Variants in FUT8 observed in about 807,000 individuals in gnomAD.
FUT8 encodes fucosyltransferase 8, also known as alpha-(1,6)-fucosyltransferase.
Under a neutral mutation model 71.3 loss-of-function variants are expected in FUT8, and 29 were observed. The observed-to-expected ratio is 0.41, with a 90% confidence interval of 0.30 to 0.55. FUT8 has a LOEUF of 0.55. Among genes scored for constraint, FUT8 ranks in the 20% least tolerant of loss-of-function variants. The pLI, the probability that FUT8 is intolerant of heterozygous loss-of-function variation, is 0.34. For synonymous variants in FUT8, 254 were observed against 239.3 expected, an observed-to-expected ratio of 1.06 and a Z score of -0.57; for missense variants, 544 against 702.1, an observed-to-expected ratio of 0.77 and a Z score of 2.55.
intron 3 of FUT8, among the ~76,000 whole-genome samples, chr14:65,583,734 G>A (rs1277127983): frequency 6.6e-6 from 1 of 151,744 alleles, no homozygotes; most frequent in Non-Finnish European, 1.5e-5. Flanking sequence ...TAATTAGAAA[G>A]TGCATAGAAG....
intron 1 of FUT8, among the ~76,000 whole-genome samples, chr14:65,445,679 C>G (rs2065728780): frequency 6.6e-6 from 1 of 152,206 alleles, no homozygotes; most frequent in African/African-American, 2.4e-5. Flanking sequence ...GGCATTTGGT[C>G]TAACTACTGG....
rs548071158 is a variant in FUT8 at position 65,742,785 on chromosome 14, G to T, written c.*375G>T. The T allele has an allele frequency of 2.7e-4, 50 of 188,332 alleles. No homozygotes were observed. Among genetic ancestry groups the T allele is most frequent in the Non-Finnish European group, 5.1e-4 (45 of 88,566 alleles). The allele number at this position is 188,332 out of a possible 1,614,324, so 11.7% of individuals were successfully genotyped here. ...CATGGTGCCTATATCTGAGAGACCT[G>T]TGTGAACTATTGAGAAGATCGGAAC... is the stretch of plus-strand genomic sequence containing the variant. On this transcript the variant is annotated 3_prime_UTR_variant, in exon 11 of 11. Coordinates refer to ENST00000673929, the MANE Select transcript of FUT8 (RefSeq NM_001371533.1).
chr14:65,515,680 T>C (rs1334517403), intron 2 of FUT8, among the ~76,000 whole-genome samples: 2 of 152,196 alleles, frequency 1.3e-5, no homozygotes, highest in African/African-American at 2.4e-5. Context: ...TTGTTGAGTT[T>C]AACTGTGTGT....
At chr14:65,509,720 A>G (rs576411685) in intron 2 of FUT8, among the ~76,000 whole-genome samples, 9 of 151,942 alleles carry the variant, frequency 5.9e-5, no homozygotes, top group East Asian at 1.9e-4. Flanking sequence ...TTCTTTTTCA[A>G]TTTGTTCACA....
chr14:65,685,423 T>C (rs1369901059), intron 7 of FUT8, among the ~76,000 whole-genome samples: 1 of 152,196 alleles, frequency 6.6e-6, no homozygotes, highest in Non-Finnish European at 1.5e-5. Context: ...TCCTTCACTT[T>C]GGACAGTTGT....
intron 3 of FUT8, among the ~76,000 whole-genome samples, chr14:65,578,601 G>T (rs530653052): frequency 6.6e-6 from 1 of 152,078 alleles, no homozygotes; most frequent in African/African-American, 2.4e-5. Context: ...TGTATTTTAT[G>T]TGTGGCCCAA....
Position 65,648,215 on chromosome 14 carries a change from C to T in FUT8, c.597+18609C>T, listed in dbSNP as rs370452463. Among the ~76,000 whole-genome samples the T allele has an allele frequency of 5.9e-5, 9 of 152,368 alleles. No homozygotes were observed. In the East Asian group the frequency reaches 1.7e-3, roughly 29 times the overall value. On this transcript the variant is annotated intron_variant, in intron 6 of 10. Transcript: ENST00000673929. ...CAGCCTGCAAAGCCAAAGATATTTA[C>T]TGTCTCCTCCTTTACAGAACAACTT...
At chr14:65,411,493 TAAG>T (rs34785787), upstream of FUT8, 106,498 of 156,994 alleles carry the variant, frequency 0.68, 36,353 homozygotes, top group East Asian at 0.77. Context: ...TCCTGGTACA[TAAG>T]AAGGTCTCAA....
At chr14:65,475,585 T>TA (rs1362330871) in intron 2 of FUT8, among the ~76,000 whole-genome samples, 1 of 151,828 alleles carries the variant, frequency 6.6e-6, no homozygotes, top group Non-Finnish European at 1.5e-5. Flanking sequence ...CCAAAAAATT[T>TA]AAAAAAATTA....
chr14:65,358,608 G>A, the FUT8 span, among the ~76,000 whole-genome samples: 1 of 151,998 alleles, frequency 6.6e-6, no homozygotes, highest in African/African-American at 2.4e-5. Flanking sequence ...TGCATGCCCG[G>A]CTAATTTTTG....
At chr14:65,679,452 G>A (rs902101664) in intron 7 of FUT8, among the ~76,000 whole-genome samples, 35 of 152,118 alleles carry the variant, frequency 2.3e-4, no homozygotes, top group Non-Finnish European at 1.0e-4. Flanking sequence ...TCAGAGGGAA[G>A]ATTAATATTT....
At chr14:65,720,395 A>G (rs1019354962) in intron 7 of FUT8, among the ~76,000 whole-genome samples, 10 of 152,138 alleles carry the variant, frequency 6.6e-5, no homozygotes, top group Non-Finnish European at 1.2e-4. Context: ...CAGGTCCAGG[A>G]GTGCCATACA....
intron 7 of FUT8, among the ~76,000 whole-genome samples, chr14:65,687,288 C>T (rs1893337518): frequency 6.6e-6 from 1 of 151,800 alleles, no homozygotes; most frequent in Non-Finnish European, 1.5e-5. Context: ...TTATTCTTTC[C>T]AGAAAATCAC....
At chr14:65,729,968 TG>T (rs536729295) in intron 9 of FUT8, among the ~76,000 whole-genome samples, 9 of 152,210 alleles carry the variant, frequency 5.9e-5, no homozygotes, top group Non-Finnish European at 1.0e-4. Context: ...ATTTAAATGA[TG>T]GGTTTTTTTT....
At chr14:65,438,816 T>C (rs2065598940) in intron 1 of FUT8, among the ~76,000 whole-genome samples, 1 of 152,226 alleles carries the variant, frequency 6.6e-6, no homozygotes, top group South Asian at 2.1e-4. Flanking sequence ...CTCCACATTT[T>C]CTATAATGAT....
intron 1 of FUT8, among the ~76,000 whole-genome samples, chr14:65,426,104 TCC>T (rs926419793): frequency 1.3e-5 from 2 of 152,078 alleles, no homozygotes; most frequent in African/African-American, 4.8e-5. Context: ...GGCCAACATC[TCC>T]CCATTTCCTC....
intron 3 of FUT8, among the ~76,000 whole-genome samples, chr14:65,602,377 A>T (rs1394112889): frequency 7.3e-6 from 1 of 137,612 alleles, no homozygotes; most frequent in Admixed American, 7.2e-5. Flanking sequence ...ACACACACAC[A>T]CACACACACA....
At chr14:65,422,081 T>G (rs2065306870) in intron 1 of FUT8, among the ~76,000 whole-genome samples, 1 of 152,258 alleles carries the variant, frequency 6.6e-6, no homozygotes, top group East Asian at 1.9e-4. Context: ...GTAGACTACT[T>G]CAGCACCTTT....
At position 65,722,004 on chromosome 14, in the gene FUT8, C is replaced by G. The variant is rs1566916433; in HGVS notation, c.1065C>G (p.Phe355Leu). 1.9e-6 allele frequency: 3 copies of G among 1,614,060 alleles called. No individual in the cohort carries two copies. The highest frequency in any genetic ancestry group is 1.7e-6 in the Non-Finnish European group (2 of 1,180,008). Residue 355 changes from phenylalanine to leucine, a missense_variant, in exon 8 of 11, where the codon TTC becomes TTG. Transcript: ENST00000673929. ...AAGAAGCCACCAAGAAGCTTGGCTT[C>G]AAACATCCAGTTATTGGGTAAGAAT... ...EIEEATKKLG[F>L]KHPVIGVHVR...
Sources: allele counts gnomAD v4.1 joint callset (sites outside exome capture counted in the v4.1 genomes callset), GRCh38; gene constraint gnomAD v4.1.1; transcripts MANE v1.5; gene names NCBI Gene and HGNC (gene_info 2026-07-23, HGNC 2026-07-21).